TTC17: variants seen among roughly 807,000 people sequenced by gnomAD.
TTC17 encodes tetratricopeptide repeat domain 17.
TTC17 carries 58 observed loss-of-function variants against 143.8 expected under a neutral mutation model. The observed-to-expected ratio is 0.40, with a 90% CI of 0.33 to 0.50. The LOEUF (loss-of-function observed/expected upper bound fraction) is 0.50. TTC17 is among the 20% of genes least tolerant of loss of function. TTC17 has a pLI of 0.49. For synonymous variants in TTC17, 501 were observed against 497.8 expected (o/e 1.01, Z -0.09); for missense variants, 1,273 against 1,392.5 (o/e 0.91, Z 1.37).
chr11:43,404,169 C>G (rs202068266), intron 11 of TTC17, 25 bp downstream of exon 11: 39 of 1,587,382 alleles, frequency 2.5e-5, no homozygotes, highest in Non-Finnish European at 3.3e-5. Context: ...GATGACGAAG[C>G]AGTTTTCTCA....
At chr11:43,442,066 G>A (rs1332394282) in intron 16 of TTC17, among the ~76,000 whole-genome samples, 1 of 152,174 alleles carries the variant, frequency 6.6e-6, no homozygotes, top group Non-Finnish European at 1.5e-5. Context: ...GTTATATTGT[G>A]TAGCTTCTTG....
intron 3 of TTC17, among the ~76,000 whole-genome samples, chr11:43,391,109 G>C (rs1337280020): frequency 1.3e-5 from 2 of 149,568 alleles, no homozygotes; most frequent in Non-Finnish European, 3.0e-5. Flanking sequence ...ATTTCTTAAA[G>C]TATTATTGAC....
At chr11:43,437,181 T>C (rs1001629853) in intron 16 of TTC17, among the ~76,000 whole-genome samples, 2 of 152,122 alleles carry the variant, frequency 1.3e-5, no homozygotes, top group Non-Finnish European at 2.9e-5. Context: ...AATTGAACTC[T>C]TCTTCATATT....
At chr11:43,475,368 G>C (rs961072252) in intron 21 of TTC17, among the ~76,000 whole-genome samples, 1 of 152,158 alleles carries the variant, frequency 6.6e-6, no homozygotes, top group African/African-American at 2.4e-5. Context: ...AAGGAAAGCA[G>C]TCGCCCAGGC....
chr11:43,436,565 T>G (rs1467879002), intron 16 of TTC17, among the ~76,000 whole-genome samples: 1 of 152,204 alleles, frequency 6.6e-6, no homozygotes, highest in Non-Finnish European at 1.5e-5. Context: ...TATGTATCAG[T>G]CTTCTTAATG....
chr11:43,421,438 G>T (rs1290555315), intron 16 of TTC17, among the ~76,000 whole-genome samples: 1 of 152,182 alleles, frequency 6.6e-6, no homozygotes, highest in African/African-American at 2.4e-5. Flanking sequence ...AGAGAAAGAT[G>T]TAAGACTAGG....
intron 15 of TTC17, among the ~76,000 whole-genome samples, chr11:43,413,008 ACACACACAC>A (rs1368545920): frequency 6.6e-6 from 1 of 151,740 alleles, no homozygotes; most frequent in Non-Finnish European, 1.5e-5. Flanking sequence ...ACACACACAC[ACACACACAC>A]ACACACACAC....
At chr11:43,433,740 A>G (rs1947214125) in intron 16 of TTC17, among the ~76,000 whole-genome samples, 1 of 152,218 alleles carries the variant, frequency 6.6e-6, no homozygotes, top group Non-Finnish European at 1.5e-5. Context: ...GAGGGAGGAA[A>G]TCAACTTCAG....
chr11:43,369,046 C>T (rs1856460788), intron 1 of TTC17, among the ~76,000 whole-genome samples: 1 of 152,236 alleles, frequency 6.6e-6, no homozygotes, highest in Non-Finnish European at 1.5e-5. Context: ...CTTGTTCTAA[C>T]TAGTTTTATC....
intron 16 of TTC17, among the ~76,000 whole-genome samples, chr11:43,426,898 A>G (rs1947041396): frequency 1.3e-5 from 2 of 152,218 alleles, no homozygotes; most frequent in South Asian, 4.1e-4. Flanking sequence ...GGCATAATTA[A>G]GGATTGGTTT....
At chr11:43,467,270 T>A (rs1265237878) in intron 21 of TTC17, among the ~76,000 whole-genome samples, 1 of 152,240 alleles carries the variant, frequency 6.6e-6, no homozygotes, top group Non-Finnish European at 1.5e-5. Flanking sequence ...GTGGAAGCCA[T>A]CTGTGTGCCC....
chr11:43,395,628 G>A (rs1857557898), intron 5 of TTC17: 1 of 152,134 alleles, frequency 6.6e-6, no homozygotes, highest in Admixed American at 6.5e-5. Flanking sequence ...GTTAAAATCT[G>A]TAATTGCATC....
intron 19 of TTC17, chr11:43,449,165 A>G (rs1947608586): frequency 6.6e-6 from 1 of 152,202 alleles, no homozygotes; most frequent in South Asian, 2.1e-4. Flanking sequence ...TATAAGTCAA[A>G]TCATTCTTAA....
intron 1 of TTC17, among the ~76,000 whole-genome samples, chr11:43,364,199 G>A (rs914606059): frequency 1.3e-5 from 2 of 151,968 alleles, no homozygotes; most frequent in Non-Finnish European, 2.9e-5. Context: ...TGGGACTACA[G>A]GTGTGCACCA....
At chr11:43,458,647 C>T (rs1027699512) in intron 21 of TTC17, among the ~76,000 whole-genome samples, 1 of 152,124 alleles carries the variant, frequency 6.6e-6, no homozygotes, top group Non-Finnish European at 1.5e-5. Flanking sequence ...ACACCCACCC[C>T]AAGAACCCCA....
In TTC17 at chr11:43,397,995, T is replaced by C; in HGVS notation, c.940T>C (p.Ser314Pro). ...IYAMLGEYNH[S>P]VLCYDHALQA... ...TCAGATGCTTGGGGAATATAACCAC[T>C]CAGTGCTCTGTTATGACCACGCTTT... The change falls in exon 8 of 24, where the codon TCA (serine) becomes CCA (proline). Residue 314 changes from serine to proline, a missense_variant. Coordinates refer to ENST00000039989, the MANE Select transcript of TTC17 (RefSeq NM_018259.6). 6.2e-7 allele frequency: 1 copy of C among 1,604,480 alleles called. No homozygotes were observed. Among genetic ancestry groups the C allele is most frequent in the Non-Finnish European group, 8.5e-7 (1 of 1,174,204 alleles).
At chr11:43,424,081 T>C (rs565475518) in intron 16 of TTC17, among the ~76,000 whole-genome samples, 134 of 151,596 alleles carry the variant, frequency 8.8e-4, no homozygotes, top group Non-Finnish European at 1.5e-3. Flanking sequence ...ATAATCATTC[T>C]TTTTCCTTTT....
chr11:43,391,699 C>T, intron 4 of TTC17, 122 bp from the exon 5 acceptor site: 1 of 1,323,810 alleles, frequency 7.6e-7, no homozygotes, highest in South Asian at 1.4e-5. Context: ...ATTTTATAGA[C>T]ATCTCTTATT....
chr11:43,370,629 C>T (rs1409333072), intron 1 of TTC17, among the ~76,000 whole-genome samples: 1 of 148,142 alleles, frequency 6.8e-6, no homozygotes, highest in Non-Finnish European at 1.5e-5. Flanking sequence ...GTGGATAGCA[C>T]ATTAAAAAAA....
Sources: allele counts gnomAD v4.1 joint callset (sites outside exome capture counted in the v4.1 genomes callset), GRCh38; gene constraint gnomAD v4.1.1; transcripts MANE v1.5; gene names NCBI Gene and HGNC (gene_info 2026-07-23, HGNC 2026-07-21).